SPTSSA: variants seen among roughly 807,000 people sequenced by gnomAD.
SPTSSA encodes small subunit of serine palmitoyltransferase A.
SPTSSA carries 8 observed loss-of-function variants against 9.1 expected under a neutral mutation model. The ratio of observed to expected loss-of-function variants is 0.88; its 90% CI spans 0.51 to 1.58. The LOEUF (loss-of-function observed/expected upper bound fraction) is 1.58. SPTSSA is among the 40% of genes most tolerant of loss of function. SPTSSA has a pLI of 0.00. For missense variants in SPTSSA, 100 were observed against 93.8 expected (o/e 1.07, Z -0.27); for synonymous variants, 42 against 37.7 (o/e 1.11, Z -0.41).
intron 1 of SPTSSA, among the ~76,000 whole-genome samples, chr14:34,460,805 A>C (rs1016674534): frequency 6.6e-6 from 1 of 152,228 alleles, no homozygotes; most frequent in Non-Finnish European, 1.5e-5. Flanking sequence ...TGCAGCTACA[A>C]ATAAATGGTG....
At chr14:34,449,560 T>C (rs1883482980) in intron 1 of SPTSSA, among the ~76,000 whole-genome samples, 3 of 138,478 alleles carry the variant, frequency 2.2e-5, no homozygotes, top group Non-Finnish European at 3.0e-5. Context: ...CTGAGTGCAA[T>C]GGCACGATCT....
chr14:34,440,237 T>G (rs1883296370), intron 1 of SPTSSA, among the ~76,000 whole-genome samples: 1 of 152,254 alleles, frequency 6.6e-6, no homozygotes, highest in African/African-American at 2.4e-5. Context: ...TTCATTATGA[T>G]GCTTTCTACA....
chr14:34,438,513 T>C (rs762382508), intron 1 of SPTSSA, among the ~76,000 whole-genome samples: 1 of 152,136 alleles, frequency 6.6e-6, no homozygotes, highest in Non-Finnish European at 1.5e-5. Flanking sequence ...CAGACAGATA[T>C]TTCTACCTAC....
At chr14:34,461,451 C>T (rs1878613175) in intron 1 of SPTSSA, among the ~76,000 whole-genome samples, 1 of 152,300 alleles carries the variant, frequency 6.6e-6, no homozygotes, top group South Asian at 2.1e-4. Flanking sequence ...CAAACCCTAC[C>T]GACAACTAAC....
chr14:34,443,550 T>TGTGTGTGTGTGTGTGTGTGTGTG (rs1555314418), intron 1 of SPTSSA, among the ~76,000 whole-genome samples: 4 of 90,942 alleles, frequency 4.4e-5, no homozygotes, highest in Non-Finnish European at 8.4e-5. Flanking sequence ...TGTGTGTGTG[T>TGTGTGTGTGTGTGTGTGTGTGTG]TTTGAGATGG....
intron 1 of SPTSSA, among the ~76,000 whole-genome samples, chr14:34,448,739 T>C (rs1167181953): frequency 6.6e-6 from 1 of 152,164 alleles, no homozygotes; most frequent in East Asian, 1.9e-4. Flanking sequence ...TTTTGACCAA[T>C]TCTTTGTTCA....
intron 1 of SPTSSA, among the ~76,000 whole-genome samples, chr14:34,459,648 G>A (rs944417751): frequency 2.0e-5 from 3 of 151,840 alleles, no homozygotes; most frequent in Non-Finnish European, 4.4e-5. Flanking sequence ...AGGCGTGGTG[G>A]CAGGCACCTG....
intron 1 of SPTSSA, 35 bp from the exon 2 acceptor site, chr14:34,435,339 T>C (rs1313332414): frequency 2.0e-6 from 3 of 1,494,172 alleles, no homozygotes; most frequent in Non-Finnish European, 2.8e-6. Context: ...TTATTATTAA[T>C]TTATTCAAAA....
At chr14:34,435,871 C>T (rs1461929086) in intron 1 of SPTSSA, among the ~76,000 whole-genome samples, 2 of 152,008 alleles carry the variant, frequency 1.3e-5, no homozygotes, top group African/African-American at 2.4e-5. Flanking sequence ...CTCAGGAGAT[C>T]CACCCATCTC....
chr14:34,437,995 G>T (rs1429797801), intron 1 of SPTSSA, among the ~76,000 whole-genome samples: 2 of 151,850 alleles, frequency 1.3e-5, no homozygotes, highest in African/African-American at 4.8e-5. Flanking sequence ...TAGAGATGGG[G>T]TCTCCCTATG....
intron 1 of SPTSSA, among the ~76,000 whole-genome samples, chr14:34,441,998 C>G (rs1020551060): frequency 6.6e-6 from 1 of 152,138 alleles, no homozygotes; most frequent in Non-Finnish European, 1.5e-5. Context: ...GCCTCAGCCT[C>G]CAGAGTAGGT....
chr14:34,440,804 C>G (rs1247542209), intron 1 of SPTSSA, among the ~76,000 whole-genome samples: 3 of 151,904 alleles, frequency 2.0e-5, no homozygotes, highest in Non-Finnish European at 4.4e-5. Flanking sequence ...TCGCTTGAAC[C>G]CGGGAGGCGG....
intron 1 of SPTSSA, among the ~76,000 whole-genome samples, chr14:34,451,254 T>C (rs972756506): frequency 9.9e-5 from 15 of 152,152 alleles, no homozygotes; most frequent in Non-Finnish European, 1.8e-4. Context: ...GAAAAGGTCA[T>C]AGACCTTTGT....
intron 1 of SPTSSA, among the ~76,000 whole-genome samples, chr14:34,436,947 AAGAG>A (rs966754775): frequency 6.6e-6 from 1 of 152,074 alleles, no homozygotes; most frequent in Non-Finnish European, 1.5e-5. Flanking sequence ...AAAAAAAAAA[AAGAG>A]AGAAAGAAAA....
rs113012898 is a variant in SPTSSA at position 34,438,290 on chromosome 14, A to AT, written c.113-2987dup. Among the ~76,000 whole-genome samples the AT allele has an allele frequency of 4.3e-3, 645 of 150,670 alleles. 4 individuals are homozygous for AT. The highest frequency in any genetic ancestry group is 0.011 in the African/African-American group (455 of 41,120). On this transcript the variant is annotated intron_variant, in intron 1 of 1. Transcript: ENST00000298130. ...AGTTGAGAAGTATTTCAAATTTCAG[A>AT]TTTTTTTTTTAAATTTAGAATATTT...
At chr14:34,460,127 T>A (rs1878587439) in intron 1 of SPTSSA, among the ~76,000 whole-genome samples, 1 of 152,192 alleles carries the variant, frequency 6.6e-6, no homozygotes, top group Non-Finnish European at 1.5e-5. Context: ...CTCAAATTGA[T>A]GTTCCAAACT....
chr14:34,455,485 G>A (rs1463556375), intron 1 of SPTSSA, among the ~76,000 whole-genome samples: 2 of 152,144 alleles, frequency 1.3e-5, no homozygotes, highest in Admixed American at 6.6e-5. Context: ...CAGGGTGGCC[G>A]AGGCAGGGGT....
At chr14:34,444,827 G>A (rs1883392533) in intron 1 of SPTSSA, among the ~76,000 whole-genome samples, 1 of 152,112 alleles carries the variant, frequency 6.6e-6, no homozygotes, top group Non-Finnish European at 1.5e-5. Flanking sequence ...AGGCACGATG[G>A]CTCATGCCTG....
intron 1 of SPTSSA, among the ~76,000 whole-genome samples, chr14:34,457,969 CG>C (rs143030943): frequency 0.2 from 19,922 of 99,684 alleles, 1,662 homozygotes; most frequent in Middle Eastern, 0.32. Context: ...AAGACTGTCT[CG>C]GAAAAAAAAA....
Sources: allele counts gnomAD v4.1 joint callset (sites outside exome capture counted in the v4.1 genomes callset), GRCh38; gene constraint gnomAD v4.1.1; transcripts MANE v1.5; gene names NCBI Gene and HGNC (gene_info 2026-07-23, HGNC 2026-07-21).